Variants in DAB2IP observed in about 807,000 individuals in gnomAD.
The protein encoded by DAB2IP is DAB2 interacting protein, also known as disabled homolog 2-interacting protein.
DAB2IP carries 28 observed loss-of-function variants against 107.2 expected under a neutral mutation model. The observed-to-expected ratio is 0.26, with a 90% CI of 0.19 to 0.36. The LOEUF is 0.36. DAB2IP is among the 10% of genes least tolerant of loss of function. DAB2IP has a pLI of 1.00. For synonymous variants in DAB2IP, 755 were observed against 706.4 expected, an observed-to-expected ratio of 1.07 and a Z score of -1.09; for missense variants, 1,400 against 1,644.7, an observed-to-expected ratio of 0.85 and a Z score of 2.57.
In DAB2IP at chr9:121,634,683, A is replaced by G. The variant is rs567144704; in HGVS notation, c.41-43995A>G. On this transcript the variant is annotated intron_variant, in intron 1 of 16. Coordinates refer to the DAB2IP transcript ENST00000259371. This position sits in a 1 kb window ranked among gnomAD's most constrained non-coding sequence, Gnocchi z 4.7. Reference sequence around the variant, plus strand: ...AAGAGGAGCACCTTTCTCTGGGGAGAGCACTTCCGGGAGATGTAACTGGGT... The same window carrying G: ...AAGAGGAGCACCTTTCTCTGGGGAGGGCACTTCCGGGAGATGTAACTGGGT... 3.7e-4 allele frequency among the ~76,000 whole-genome samples: 56 copies of G among 152,154 alleles called. No homozygotes were observed. Among genetic ancestry groups the G allele is most frequent in the African/African-American group, 1.3e-3 (52 of 41,488 alleles).
At chr9:121,651,506 A>T (rs1832735168), upstream of DAB2IP, 2 of 281,372 alleles carry the variant, frequency 7.1e-6, no homozygotes, top group South Asian at 2.7e-4. This position sits in a 1 kb window ranked among gnomAD's most constrained non-coding sequence, Gnocchi z 5.1. Flanking sequence ...CGCCGATTCC[A>T]GGCCGGGATT....
intron 1 of DAB2IP, among the ~76,000 whole-genome samples, chr9:121,659,108 GCCTT>G (rs1833089772): frequency 6.6e-6 from 1 of 152,248 alleles, no homozygotes; most frequent in African/African-American, 2.4e-5. Context: ...ATGAGGCTCT[GCCTT>G]CCTTCCCCAA....
intron 1 of DAB2IP, among the ~76,000 whole-genome samples, chr9:121,576,647 G>C (rs1468045051): frequency 2.0e-5 from 3 of 152,182 alleles, no homozygotes; most frequent in African/African-American, 7.2e-5. Flanking sequence ...TGGAGGGGAG[G>C]CTGGGTGGGT....
At chr9:121,719,876 G>A (rs1168517421) in intron 3 of DAB2IP, among the ~76,000 whole-genome samples, 2 of 152,232 alleles carry the variant, frequency 1.3e-5, no homozygotes, top group African/African-American at 2.4e-5. Flanking sequence ...TTGGGATGGG[G>A]TGGCAGCTCC....
At chr9:121,574,578 C>T (rs1188723055) in intron 1 of DAB2IP, among the ~76,000 whole-genome samples, 1 of 152,164 alleles carries the variant, frequency 6.6e-6, no homozygotes, top group African/African-American at 2.4e-5. Context: ...TCCACTGACT[C>T]CTCACAGAGG....
At chr9:121,771,949 C>A (rs998611587) in intron 11 of DAB2IP, among the ~76,000 whole-genome samples, 1 of 152,086 alleles carries the variant, frequency 6.6e-6, no homozygotes, top group African/African-American at 2.4e-5. Flanking sequence ...GAGCTAGCTT[C>A]TGGGGAGGGG....
At chr9:121,726,261 G>T (rs1831232164) in intron 3 of DAB2IP, among the ~76,000 whole-genome samples, 3 of 152,214 alleles carry the variant, frequency 2.0e-5, no homozygotes, top group South Asian at 2.1e-4. Context: ...AAAGGACAAA[G>T]CTTGGGGAGC....
rs564059890 is a variant in DAB2IP at position 121,614,115 on chromosome 9, C to T, written c.40+46887C>T. On this transcript the variant is annotated intron_variant, in intron 1 of 16. Transcript: ENST00000259371. ...TCTAAAACAAAGGATACAAGATAAC[C>T]GGCTTCATAGGTCTATGTTGTAATA... Among the ~76,000 whole-genome samples, 20 of 152,256 alleles carry T rather than the reference C, an allele frequency of 1.3e-4. No individual in the cohort carries two copies. In the South Asian group the frequency reaches 3.5e-3, roughly 27 times the overall value.
chr9:121,572,876 A>C (rs1829981047), intron 1 of DAB2IP, among the ~76,000 whole-genome samples: 1 of 152,130 alleles, frequency 6.6e-6, no homozygotes. Flanking sequence ...GCAGCTCAAA[A>C]GCTCAGAACT....
chr9:121,636,870 G>A (rs1832108551), intron 1 of DAB2IP, among the ~76,000 whole-genome samples: 1 of 152,204 alleles, frequency 6.6e-6, no homozygotes, highest in African/African-American at 2.4e-5. Flanking sequence ...GACAGTTCTG[G>A]GAGGATAGTA....
rs556394841 is a variant in DAB2IP, at chr9:121,657,192, A to G, written c.124+5293A>G. On this transcript the variant is annotated intron_variant, in intron 1 of 15. Coordinates refer to ENST00000408936, the Ensembl canonical transcript of DAB2IP. ...GGCATGCGACAGGTCTCAGGGCCTC[A>G]GCCATGTTTCTCCACCAAAGCCCTT... is the stretch of plus-strand genomic sequence containing the variant. Among the ~76,000 whole-genome samples, 11 of 152,290 alleles carry G rather than the reference A, an allele frequency of 7.2e-5. No homozygotes were observed. The East Asian group carries it at 1.9e-3, about 27-fold the overall frequency.
chr9:121,753,893 C>G (rs539787579), intron 3 of DAB2IP, among the ~76,000 whole-genome samples: 20 of 152,336 alleles, frequency 1.3e-4, no homozygotes, highest in African/African-American at 4.3e-4. Context: ...TGGTACCCAT[C>G]TTCTGCCCTG....
intron 5 of DAB2IP, among the ~76,000 whole-genome samples, chr9:121,759,650 C>T (rs1833743324): frequency 6.6e-6 from 1 of 152,186 alleles, no homozygotes; most frequent in Non-Finnish European, 1.5e-5. Flanking sequence ...AGACAAGCAA[C>T]CCAAGGCTCC....
At chr9:121,611,176 G>T (rs1831082035) in intron 1 of DAB2IP, among the ~76,000 whole-genome samples, 1 of 152,220 alleles carries the variant, frequency 6.6e-6, no homozygotes, top group African/African-American at 2.4e-5. Context: ...ATTTTGCCAT[G>T]TTGGCCAGGC....
At chr9:121,734,144 G>A (rs1051072238) in intron 3 of DAB2IP, among the ~76,000 whole-genome samples, 6 of 151,012 alleles carry the variant, frequency 4.0e-5, no homozygotes, top group East Asian at 1.9e-4. Context: ...TTGGGAGGCC[G>A]AGGCGGGTGG....
At chr9:121,651,335 G>T (rs1185694367), upstream of DAB2IP, among the ~76,000 whole-genome samples, 2 of 152,214 alleles carry the variant, frequency 1.3e-5, no homozygotes, top group Admixed American at 6.5e-5. The surrounding 1 kb of genome is among the most constrained non-coding windows in gnomAD (Gnocchi z 5.1). Flanking sequence ...CCGGGCTCCG[G>T]AGAGCGCACA....
intron 2 of DAB2IP, among the ~76,000 whole-genome samples, chr9:121,697,911 G>C (rs1475197386): frequency 6.6e-6 from 1 of 152,212 alleles, no homozygotes; most frequent in African/African-American, 2.4e-5. Context: ...GTGTCCTTGG[G>C]TAAGTCACTT....
chr9:121,592,321 G>A (rs1830434838), intron 1 of DAB2IP, among the ~76,000 whole-genome samples: 1 of 151,816 alleles, frequency 6.6e-6, no homozygotes, highest in Non-Finnish European at 1.5e-5. Flanking sequence ...AGCCAAGATA[G>A]TGCCACTGCA....
rs180882540 is a variant in DAB2IP, at chr9:121,666,933, G to A, written c.125-11745G>A. On this transcript the variant is annotated intron_variant, in intron 1 of 15. Transcript: ENST00000408936. Reference sequence around the variant, plus strand: ...ACACACACAACACTCTTAAATAGACGTACACAGAGGCATAAGCTGGACAGC... The same window carrying A: ...ACACACACAACACTCTTAAATAGACATACACAGAGGCATAAGCTGGACAGC... Among the ~76,000 whole-genome samples the A allele has an allele frequency of 7.4e-5, 10 of 135,070 alleles. No individual in the cohort carries two copies. The East Asian group carries it at 1.4e-3, about 19-fold the overall frequency. 88.6% of individuals were successfully genotyped at this position (135,070 alleles called of 152,430 possible). A position where few individuals can be genotyped will look rare whatever the true frequency, so the allele number is the denominator to read the frequency against.
Sources: gnomAD v4.1 joint callset for allele counts (sites outside exome capture counted in the v4.1 genomes callset) on GRCh38, gnomAD v4.1.1 for gene constraint, Gnocchi (gnomAD v3.1) non-coding constraint, MANE v1.5 for transcripts, NCBI Gene and HGNC (gene_info 2026-07-23, HGNC 2026-07-21) for gene names.